PTPRT: variants seen among roughly 807,000 people sequenced by gnomAD.
The protein encoded by PTPRT is receptor-type tyrosine-protein phosphatase T.
PTPRT carries 56 observed loss-of-function variants against 176.8 expected under a neutral mutation model. The ratio of observed to expected loss-of-function variants is 0.32; its 90% CI spans 0.26 to 0.40. The LOEUF (loss-of-function observed/expected upper bound fraction) is 0.40. Ranked by LOEUF, PTPRT falls within the 10% of genes least tolerant of loss-of-function variation. PTPRT has a pLI of 1.00. For synonymous variants in PTPRT, 783 were observed against 739.0 expected (o/e 1.06, Z -0.96); for missense variants, 1,540 against 1,908.2 (o/e 0.81, Z 3.60).
chr20:42,102,655 G>A (rs752522332), intron 25 of PTPRT, among the ~76,000 whole-genome samples: 1 of 152,170 alleles, frequency 6.6e-6, no homozygotes, highest in East Asian at 1.9e-4. Flanking sequence ...ACAGAGGGGT[G>A]GGGGTAGGGA....
intron 9 of PTPRT, among the ~76,000 whole-genome samples, chr20:42,396,343 C>T (rs2058849135): frequency 6.6e-6 from 1 of 152,194 alleles, no homozygotes; most frequent in African/African-American, 2.4e-5. Flanking sequence ...CTACTTTGGT[C>T]TGAGCCTCCA....
At chr20:42,318,341 G>A (rs894178460) in intron 11 of PTPRT, among the ~76,000 whole-genome samples, 2 of 152,194 alleles carry the variant, frequency 1.3e-5, no homozygotes, top group African/African-American at 4.8e-5. Flanking sequence ...CAGGGCAGAA[G>A]TGGAGGGGTG....
intron 1 of PTPRT, among the ~76,000 whole-genome samples, chr20:43,060,773 C>T (rs1439188234): frequency 6.6e-6 from 1 of 152,112 alleles, no homozygotes; most frequent in African/African-American, 2.4e-5. Flanking sequence ...CACTGTAGGA[C>T]CATTCATATG....
At chr20:42,745,411 G>C (rs537222917) in intron 6 of PTPRT, among the ~76,000 whole-genome samples, 3 of 152,312 alleles carry the variant, frequency 2.0e-5, no homozygotes, top group African/African-American at 4.8e-5. Context: ...TTGTCAGGGG[G>C]CCATGCTGTG....
intron 21 of PTPRT, chr20:42,116,107 T>C: frequency 1.4e-6 from 1 of 719,472 alleles, no homozygotes; most frequent in Non-Finnish European, 2.6e-6. Context: ...TGCTAATAGG[T>C]GTTAGGTAAA....
intron 16 of PTPRT, among the ~76,000 whole-genome samples, chr20:42,170,075 C>G (rs1990013713): frequency 6.6e-6 from 1 of 152,208 alleles, no homozygotes; most frequent in Admixed American, 6.5e-5. Flanking sequence ...TGCCACCAGA[C>G]AGTACCATGT....
At chr20:42,670,257 A>G (rs1382046620) in intron 7 of PTPRT, among the ~76,000 whole-genome samples, 1 of 152,182 alleles carries the variant, frequency 6.6e-6, no homozygotes, top group Admixed American at 6.5e-5. Context: ...GGTTCTCTGC[A>G]AGGCATATAA....
At chr20:42,602,515 G>A (rs906766619) in intron 7 of PTPRT, among the ~76,000 whole-genome samples, 8 of 152,134 alleles carry the variant, frequency 5.3e-5, no homozygotes, top group Non-Finnish European at 8.8e-5. Context: ...TGACAACTCT[G>A]TGAGGGAAAT....
chr20:42,363,835 G>A lies in PTPRT; in HGVS notation c.1561-11550C>T, dbSNP rs115087271. Among the ~76,000 whole-genome samples, 1,380 of 152,122 alleles carry A rather than the reference G, an allele frequency of 9.1e-3. 20 individuals carry two copies. Among genetic ancestry groups the A allele is most frequent in the African/African-American group, 0.032 (1,318 of 41,488 alleles). ...GAGGCAGAGGCAGGCTTGGAACCCCGGCAGTATGAATCTAGAATCCACCTG... is the reference window on the plus strand; with the variant it reads ...GAGGCAGAGGCAGGCTTGGAACCCCAGCAGTATGAATCTAGAATCCACCTG... On this transcript the variant is annotated intron_variant, in intron 9 of 30. Coordinates refer to ENST00000373187, the MANE Select transcript of PTPRT (RefSeq NM_007050.6).
chr20:43,042,969 G>T (rs1373796857), intron 1 of PTPRT, among the ~76,000 whole-genome samples: 2 of 152,064 alleles, frequency 1.3e-5, no homozygotes, highest in African/African-American at 4.8e-5. Context: ...TCAGTGCCAA[G>T]TATCCTATTG....
intron 1 of PTPRT, among the ~76,000 whole-genome samples, chr20:43,001,102 G>T (rs1264095601): frequency 6.6e-6 from 1 of 152,008 alleles, no homozygotes; most frequent in African/African-American, 2.4e-5. Flanking sequence ...AAAAGGAGGA[G>T]GAGAAAAGAG....
At chr20:42,463,384 T>A (rs2071053073) in intron 8 of PTPRT, among the ~76,000 whole-genome samples, 1 of 152,200 alleles carries the variant, frequency 6.6e-6, no homozygotes, top group Non-Finnish European at 1.5e-5. Flanking sequence ...CAACAAAGGT[T>A]AATTACTTTA....
intron 22 of PTPRT, among the ~76,000 whole-genome samples, chr20:42,110,984 C>CTT (rs1276146355): frequency 1.3e-5 from 2 of 152,176 alleles, no homozygotes; most frequent in Non-Finnish European, 2.9e-5. Context: ...GTTTATATAA[C>CTT]TTAGTACTGA....
chr20:43,153,977 G>A (rs1165003889), intron 1 of PTPRT, among the ~76,000 whole-genome samples: 1 of 152,174 alleles, frequency 6.6e-6, no homozygotes, highest in Non-Finnish European at 1.5e-5. Flanking sequence ...AAGAACTGCT[G>A]CAAGTTCCTT....
chr20:42,076,177 C>T lies in PTPRT; in HGVS notation c.*4702G>A, dbSNP rs1204269898. ...CAGGAATTAATTGTGCCATAGTAATCTCGATTTCCTAATAGTGCCCCCTCC... is the reference window on the plus strand; with the variant it reads ...CAGGAATTAATTGTGCCATAGTAATTTCGATTTCCTAATAGTGCCCCCTCC... On this transcript the variant is annotated 3_prime_UTR_variant, in exon 31 of 31. Coordinates refer to ENST00000373187, the MANE Select transcript of PTPRT (RefSeq NM_007050.6). 2 of 203,450 alleles carry T rather than the reference C, an allele frequency of 9.8e-6. No individual in the cohort carries two copies. Among genetic ancestry groups the T allele is most frequent in the Non-Finnish European group, 2.0e-5 (2 of 99,230 alleles). The allele number at this position is 203,450 out of a possible 1,614,324, so 12.6% of individuals were successfully genotyped here.
At chr20:43,026,298 A>G (rs1476343653) in intron 1 of PTPRT, among the ~76,000 whole-genome samples, 2 of 152,062 alleles carry the variant, frequency 1.3e-5, no homozygotes, top group African/African-American at 4.8e-5. Context: ...TTGCATTTTT[A>G]GTAGAGACAG....
intron 13 of PTPRT, among the ~76,000 whole-genome samples, chr20:42,256,685 A>C (rs1227666189): frequency 6.6e-6 from 1 of 151,834 alleles, no homozygotes; most frequent in Non-Finnish European, 1.5e-5. Context: ...GGAAAAGGAA[A>C]CCACTCCTAA....
the PTPRT span, among the ~76,000 whole-genome samples, chr20:42,039,751 GTA>G: frequency 0.41 from 55,647 of 135,770 alleles, 12,376 homozygotes; most frequent in Middle Eastern, 0.52. Context: ...ATGTATTTAT[GTA>G]TATATATATA....
chr20:42,379,557 G>A (rs948917846), intron 9 of PTPRT, among the ~76,000 whole-genome samples: 3 of 152,196 alleles, frequency 2.0e-5, no homozygotes, highest in African/African-American at 7.2e-5. Context: ...CCTGTGGAGG[G>A]CAGCAGGAGC....
Sources: allele counts gnomAD v4.1 joint callset (sites outside exome capture counted in the v4.1 genomes callset), GRCh38; gene constraint gnomAD v4.1.1; transcripts MANE v1.5; gene names NCBI Gene and HGNC (gene_info 2026-07-23, HGNC 2026-07-21).